The following ATP11B variants were observed in gnomAD, a reference collection of about 807,000 sequenced individuals.
ATP11B encodes phospholipid-transporting ATPase IF.
ATP11B carries 81 observed loss-of-function variants against 157.8 expected under a neutral mutation model. The ratio of observed to expected loss-of-function variants is 0.51; its 90% confidence interval spans 0.43 to 0.62. The LOEUF is 0.62. Among genes scored for constraint, ATP11B ranks in the 20% least tolerant of loss-of-function variants. The pLI is 0.00. For synonymous variants in ATP11B, 451 were observed against 469.4 expected (o/e 0.96, Z 0.51); for missense variants, 1,165 against 1,402.2 (o/e 0.83, Z 2.70).
intron 1 of ATP11B, among the ~76,000 whole-genome samples, chr3:182,799,156 G>C (rs551579438): frequency 6.6e-6 from 1 of 152,318 alleles, no homozygotes; most frequent in South Asian, 2.1e-4. Context: ...TAGACTAACT[G>C]CATCTGGTCC....
At chr3:182,877,805 G>T (rs2108556052) in intron 19 of ATP11B, among the ~76,000 whole-genome samples, 1 of 152,278 alleles carries the variant, frequency 6.6e-6, no homozygotes, top group African/African-American at 2.4e-5. Context: ...ATGAGTAAAT[G>T]CTACCTACGT....
At chr3:182,898,487 T>C in intron 27 of ATP11B, 120 bp from the exon 28 acceptor site, 1 of 639,478 alleles carries the variant, frequency 1.6e-6, no homozygotes, top group Middle Eastern at 3.8e-4. Context: ...ATTATACTGA[T>C]TTCAGTTTTG....
Position 182,858,039 on chromosome 3 carries a change from G to A in ATP11B, c.1002+11G>A. Reference sequence around the variant, plus strand: ...AGAAATAGCAGTAAGGTATTTTATGGTGTTATTGACTGTGTCATAAAGGAA... The same window carrying A: ...AGAAATAGCAGTAAGGTATTTTATGATGTTATTGACTGTGTCATAAAGGAA... On this transcript the variant is annotated intron_variant, in intron 11 of 29. Transcript: ENST00000323116. 1 of 1,605,566 alleles carries A rather than the reference G, an allele frequency of 6.2e-7. No homozygotes were observed. The highest frequency in any genetic ancestry group is 8.5e-7 in the Non-Finnish European group (1 of 1,173,882).
intron 20 of ATP11B, 149 bp from the exon 21 acceptor site, chr3:182,880,729 CA>C: frequency 4.8e-6 from 2 of 414,200 alleles, no homozygotes; most frequent in East Asian, 3.8e-5. Context: ...GAGATACCCT[CA>C]AAAAAATGAA....
At position 182,829,749 on chromosome 3, in the gene ATP11B, G is replaced by A. The variant is rs1320303553; in HGVS notation, c.312G>A (p.Lys104=). 3 of 1,599,990 alleles carry A rather than the reference G, an allele frequency of 1.9e-6. No individual in the cohort carries two copies. Among genetic ancestry groups the A allele is most frequent in the African/African-American group, 1.3e-5 (1 of 74,382 alleles). The change falls in exon 4 of 30, where the codon AAG becomes AAA. Residue 104 remains lysine, a synonymous_variant. Transcript: ENST00000323116. ...TTGTGATAACAGTAACTGCCATAAA[G>A]CAGGTATGAAATACTTTCTTTTTTT... ...LFFVITVTAI[K]QGYEDWLRHN... is the part of the protein sequence containing the mutation.
intron 17 of ATP11B, among the ~76,000 whole-genome samples, chr3:182,870,320 G>A (rs1003164831): frequency 6.6e-6 from 1 of 152,150 alleles, no homozygotes; most frequent in African/African-American, 2.4e-5. Context: ...TTCTCTCTCA[G>A]TCTTAGAACT....
chr3:182,863,811 T>G (rs1457961213), intron 12 of ATP11B, among the ~76,000 whole-genome samples: 3 of 152,082 alleles, frequency 2.0e-5, no homozygotes, highest in African/African-American at 7.2e-5. Flanking sequence ...GCAGTCTGTA[T>G]TCTAGTAACC....
intron 8 of ATP11B, 114 bp from the exon 9 acceptor site, chr3:182,845,344 T>C: frequency 1.1e-6 from 1 of 883,596 alleles, no homozygotes; most frequent in South Asian, 1.8e-5. Flanking sequence ...TTTGGTTTTA[T>C]ATGAAAGTGG....
At chr3:182,896,676 T>TG (rs746648497) in intron 25 of ATP11B, 24 bp from the exon 26 acceptor site, 2 of 1,581,492 alleles carry the variant, frequency 1.3e-6, no homozygotes, top group Non-Finnish European at 1.7e-6. Context: ...ACACGTAATG[T>TG]AATAGTGTAT....
Position 182,889,491 on chromosome 3 carries a change from C to G in ATP11B, c.2925C>G (p.Phe975Leu). 3 of 1,570,448 alleles carry G rather than the reference C, an allele frequency of 1.9e-6. No individual in the cohort carries two copies. The highest frequency in any genetic ancestry group is 2.6e-6 in the Non-Finnish European group (3 of 1,165,210). Residue 975 changes from phenylalanine to leucine, a missense_variant, in exon 25 of 30, where the codon TTC (phenylalanine) becomes TTG (leucine). By Grantham distance (22) the Phe-to-Leu change is conservative (BLOSUM62 0). This residue lies in a region of ATP11B where 303 missense variants were observed against 296.3 expected (regional missense o/e 1.02). Transcript: ENST00000323116. ...TGGGCTTCAGTCATGCCTTTATTTT[C>G]TTTTTTGGATCCTATTTACTAATAG... ...TILGFSHAFI[F>L]FFGSYLLIGK... is the part of the protein sequence containing the mutation.
chr3:182,873,042 CT>C (rs1229729403), intron 18 of ATP11B, among the ~76,000 whole-genome samples: 1 of 152,178 alleles, frequency 6.6e-6, no homozygotes, highest in African/African-American at 2.4e-5. Flanking sequence ...TTCCTGACAC[CT>C]AAGAGGATTA....
At chr3:182,892,180 T>C (rs762386344) in intron 25 of ATP11B, among the ~76,000 whole-genome samples, 30 of 152,302 alleles carry the variant, frequency 2.0e-4, no homozygotes, top group African/African-American at 4.3e-4. Context: ...CTCTCTAGAA[T>C]GCTCATGCTT....
At chr3:182,867,520 G>A in intron 15 of ATP11B, 76 bp downstream of exon 15, 1 of 910,138 alleles carries the variant, frequency 1.1e-6, no homozygotes, top group South Asian at 1.5e-5. Context: ...GTAAACTGTA[G>A]CTCACAGGGC....
chr3:182,895,254 G>A (rs1253408468), intron 25 of ATP11B, among the ~76,000 whole-genome samples: 1 of 152,036 alleles, frequency 6.6e-6, no homozygotes, highest in East Asian at 1.9e-4. Context: ...GATAAAAGCA[G>A]ACAGCAGACA....
chr3:182,913,994 G>A lies in ATP11B; in HGVS notation c.3452G>A (p.Arg1151Lys). ...IGRCSPTHIS[R>K]SWSASDPFYT... ...AGATGTAGTCCAACCCACATCAGCAGGTGTGAAATCTCTCTAAGTAGCCTT... is the reference window on the plus strand; with the variant it reads ...AGATGTAGTCCAACCCACATCAGCAAGTGTGAAATCTCTCTAAGTAGCCTT... The change falls in exon 29 of 30, where the codon AGA becomes AAA. Residue 1151 changes from arginine to lysine, a missense_variant and splice_region_variant. Physicochemically the swap from Arg to Lys is conservative, Grantham distance 26. Around this residue, in one of 4 missense-constraint regions of ATP11B, gnomAD observed 303 missense variants for 296.3 expected, o/e 1.02. Transcript: ENST00000323116. 2 of 1,613,822 alleles carry A rather than the reference G, an allele frequency of 1.2e-6. No individual in the cohort carries two copies. Among genetic ancestry groups the A allele is most frequent in the Non-Finnish European group, 1.7e-6 (2 of 1,179,830 alleles).
intron 1 of ATP11B, among the ~76,000 whole-genome samples, chr3:182,804,911 A>C (rs898301005): frequency 6.6e-6 from 1 of 152,150 alleles, no homozygotes; most frequent in African/African-American, 2.4e-5. Flanking sequence ...TCTTTCACCT[A>C]GCATAATGTT....
At chr3:182,862,788 C>CT in intron 12 of ATP11B, among the ~76,000 whole-genome samples, 1 of 151,438 alleles carries the variant, frequency 6.6e-6, no homozygotes, top group Middle Eastern at 3.4e-3. Flanking sequence ...CTCATGCTGA[C>CT]TTTTTTACCA....
intron 28 of ATP11B, among the ~76,000 whole-genome samples, chr3:182,902,064 A>G (rs1231658276): frequency 6.6e-6 from 1 of 152,080 alleles, no homozygotes; most frequent in East Asian, 1.9e-4. Context: ...GAAACAGTAT[A>G]TGGTCATTGA....
At chr3:182,832,778 C>T (rs1718249920) in intron 4 of ATP11B, among the ~76,000 whole-genome samples, 1 of 152,068 alleles carries the variant, frequency 6.6e-6, no homozygotes, top group African/African-American at 2.4e-5. Flanking sequence ...CTTTGCCCTC[C>T]ACGATTCTAA....
Sources: allele counts gnomAD v4.1 joint callset (sites outside exome capture counted in the v4.1 genomes callset), GRCh38; gene constraint gnomAD v4.1.1; regional missense constraint gnomAD v4.1.1; transcripts MANE v1.5; gene names NCBI Gene and HGNC (gene_info 2026-07-23, HGNC 2026-07-21).